PABPC4L: variants seen among roughly 807,000 people sequenced by gnomAD.
PABPC4L encodes poly(A) binding protein cytoplasmic 4 like, also known as polyadenylate-binding protein 4-like.
For synonymous variants in PABPC4L, 169 were observed against 164.1 expected, an observed-to-expected ratio of 1.03 and a Z score of -0.23; for missense variants, 452 against 451.4, an observed-to-expected ratio of 1.00 and a Z score of -0.01.
At chr4:133,973,819 C>T in the PABPC4L span, among the ~76,000 whole-genome samples, 2 of 152,092 alleles carry the variant, frequency 1.3e-5, no homozygotes, top group Non-Finnish European at 1.5e-5. Flanking sequence ...TTCAGTCAGC[C>T]CCACCTGTTG....
chr4:133,996,275 T>A, the PABPC4L span, among the ~76,000 whole-genome samples: 1 of 152,034 alleles, frequency 6.6e-6, no homozygotes, highest in South Asian at 2.1e-4. Context: ...ACATTAGAGA[T>A]GTTATTGGGA....
chr4:133,994,267 G>C, the PABPC4L span, among the ~76,000 whole-genome samples: 1 of 152,060 alleles, frequency 6.6e-6, no homozygotes, highest in African/African-American at 2.4e-5. Flanking sequence ...TAGGCTCTTT[G>C]TAATTTCTCT....
the PABPC4L span, among the ~76,000 whole-genome samples, chr4:134,091,711 T>A: frequency 7.9e-5 from 12 of 151,870 alleles, no homozygotes; most frequent in African/African-American, 1.2e-4. Context: ...AGTTTTTTTT[T>A]AAAATCAGAA....
chr4:134,091,300 G>GTT, the PABPC4L span, among the ~76,000 whole-genome samples: 1 of 147,462 alleles, frequency 6.8e-6, no homozygotes. Flanking sequence ...CTAATGGGCA[G>GTT]TTTTTTTTTT....
the PABPC4L span, among the ~76,000 whole-genome samples, chr4:134,004,654 T>G: frequency 6.6e-6 from 1 of 151,888 alleles, no homozygotes; most frequent in Admixed American, 6.6e-5. Flanking sequence ...AGGAGATAGC[T>G]GCACTCTCAC....
chr4:134,151,675 CAAAAT>C, the PABPC4L span, among the ~76,000 whole-genome samples: 1 of 151,548 alleles, frequency 6.6e-6, no homozygotes, highest in East Asian at 1.9e-4. Flanking sequence ...TTTATTAACT[CAAAAT>C]AAAGAGAATA....
rs1421010169 is a variant in PABPC4L at position 134,200,572 on chromosome 4, C to A, written c.448G>T (p.Ala150Ser). The A allele has an allele frequency of 1.9e-6, 3 of 1,551,678 alleles. No homozygotes were observed. Among genetic ancestry groups the A allele is most frequent in the South Asian group, 2.4e-5 (2 of 84,064 alleles). ...TTCATCTCCTCAATGGCCCTGTCTG[C>A]AGCACTCTGGTTCTGAAAGTGCACA... ...AFVHFQNQSAADRAIEEMNGK... is the reference protein window; with the variant it reads ...AFVHFQNQSASDRAIEEMNGK... Residue 150 changes from alanine to serine, a missense_variant, in exon 2 of 2, where the codon GCA becomes TCA. Transcript: ENST00000421491.
At chr4:133,985,638 G>A in the PABPC4L span, among the ~76,000 whole-genome samples, 2 of 151,956 alleles carry the variant, frequency 1.3e-5, no homozygotes, top group Non-Finnish European at 2.9e-5. Context: ...AGGTATAGTT[G>A]CAATTATAAT....
chr4:134,079,413 T>C, the PABPC4L span, among the ~76,000 whole-genome samples: 3 of 47,656 alleles, frequency 6.3e-5, no homozygotes, highest in African/African-American at 1.3e-4. Context: ...ACCCCATCTT[T>C]ACTAAAAAAA....
the PABPC4L span, among the ~76,000 whole-genome samples, chr4:133,977,256 C>T: frequency 2.0e-5 from 3 of 151,960 alleles, no homozygotes; most frequent in Non-Finnish European, 4.4e-5. Flanking sequence ...GTTCTCTATT[C>T]TTTCCATTGG....
chr4:134,179,709 C>A, the PABPC4L span, among the ~76,000 whole-genome samples: 1 of 151,558 alleles, frequency 6.6e-6, no homozygotes, highest in Non-Finnish European at 1.5e-5. Context: ...CAAGTGAATG[C>A]AAAACATAAA....
the PABPC4L span, among the ~76,000 whole-genome samples, chr4:134,092,795 G>A: frequency 2.0e-5 from 3 of 151,932 alleles, no homozygotes; most frequent in African/African-American, 7.2e-5. Context: ...TCCCACCATC[G>A]CAAGTCCCAC....
the PABPC4L span, among the ~76,000 whole-genome samples, chr4:134,124,485 G>T: frequency 6.6e-6 from 1 of 151,904 alleles, no homozygotes; most frequent in African/African-American, 2.4e-5. Flanking sequence ...CCTTCTCTTT[G>T]TTCTTCAGGT....
chr4:134,082,190 TA>T, the PABPC4L span, among the ~76,000 whole-genome samples: 23 of 152,320 alleles, frequency 1.5e-4, no homozygotes, highest in African/African-American at 5.5e-4. Context: ...AGGAGGTTAT[TA>T]AAAACAGCTT....
the PABPC4L span, among the ~76,000 whole-genome samples, chr4:134,182,198 C>T: frequency 6.6e-6 from 1 of 151,846 alleles, no homozygotes; most frequent in Non-Finnish European, 1.5e-5. Flanking sequence ...ATCACATTGC[C>T]CAACTTCAAA....
chr4:134,056,512 G>A, the PABPC4L span, among the ~76,000 whole-genome samples: 1 of 151,616 alleles, frequency 6.6e-6, no homozygotes, highest in Non-Finnish European at 1.5e-5. Context: ...ATTTCTATTA[G>A]CAGTGGGTTC....
the PABPC4L span, among the ~76,000 whole-genome samples, chr4:134,186,361 A>G: frequency 6.6e-6 from 1 of 152,156 alleles, no homozygotes; most frequent in Non-Finnish European, 1.5e-5. Context: ...AATGGAACAG[A>G]ATAGAGTCCC....
chr4:134,096,082 C>T, the PABPC4L span, among the ~76,000 whole-genome samples: 2 of 151,932 alleles, frequency 1.3e-5, no homozygotes, highest in African/African-American at 4.8e-5. Flanking sequence ...ATGACTGTAT[C>T]ACCAGGTCTT....
chr4:134,044,574 T>C, the PABPC4L span, among the ~76,000 whole-genome samples: 1 of 152,166 alleles, frequency 6.6e-6, no homozygotes, highest in Non-Finnish European at 1.5e-5. Context: ...ATTTTACTTA[T>C]ATTATAATGA....
Sources: allele counts gnomAD v4.1 joint callset (sites outside exome capture counted in the v4.1 genomes callset), GRCh38; gene constraint gnomAD v4.1.1; transcripts MANE v1.5; gene names NCBI Gene and HGNC (gene_info 2026-07-23, HGNC 2026-07-21).